The following SLC25A26 variants were observed in gnomAD, a reference collection of about 807,000 sequenced individuals.
SLC25A26 encodes the protein mitochondrial S-adenosylmethionine carrier protein.
A neutral mutation model predicts 37.8 loss-of-function variants in SLC25A26; 36 were observed. The observed-to-expected ratio is 0.95, with a 90% CI of 0.73 to 1.26. SLC25A26 has a LOEUF of 1.26. Ranked by LOEUF, SLC25A26 falls within the 50% of genes most tolerant of loss-of-function variation. The pLI is 0.00. For synonymous variants in SLC25A26, 129 were observed against 122.5 expected (o/e 1.05, Z -0.35); for missense variants, 390 against 331.1 (o/e 1.18, Z -1.38).
intron 1 of SLC25A26, among the ~76,000 whole-genome samples, chr3:66,232,683 G>T (rs2072089301): frequency 6.6e-6 from 1 of 152,188 alleles, no homozygotes; most frequent in Non-Finnish European, 1.5e-5. Context: ...TGGAAAGAAA[G>T]GACTGAACAA....
intron 1 of SLC25A26, among the ~76,000 whole-genome samples, chr3:66,201,610 A>G (rs1399344508): frequency 6.6e-6 from 1 of 152,174 alleles, no homozygotes; most frequent in Non-Finnish European, 1.5e-5. Flanking sequence ...TCCTAAGGTT[A>G]TAGGTGTAAT....
chr3:66,356,517 T>C (rs1575604337), intron 6 of SLC25A26, among the ~76,000 whole-genome samples: 1 of 152,346 alleles, frequency 6.6e-6, no homozygotes, highest in Non-Finnish European at 1.5e-5. Flanking sequence ...ACAATAGTTA[T>C]TATGGTGAAA....
intron 1 of SLC25A26, among the ~76,000 whole-genome samples, chr3:66,192,413 C>T (rs1171284747): frequency 6.6e-6 from 1 of 151,480 alleles, no homozygotes; most frequent in African/African-American, 2.4e-5. Flanking sequence ...TACCTGTAAG[C>T]AAGGTAGAGG....
At chr3:66,248,159 AAAT>A (rs1352994036) in intron 3 of SLC25A26, among the ~76,000 whole-genome samples, 2 of 152,262 alleles carry the variant, frequency 1.3e-5, no homozygotes, top group African/African-American at 2.4e-5. Flanking sequence ...AACAGTGCCA[AAAT>A]AATAACCATT....
chr3:66,272,085 A>G (rs2073980266), intron 5 of SLC25A26, among the ~76,000 whole-genome samples: 1 of 152,186 alleles, frequency 6.6e-6, no homozygotes, highest in South Asian at 2.1e-4. Flanking sequence ...GTCATTTTAG[A>G]TGGAAATAAA....
chr3:66,300,633 G>C (rs2075050316), intron 5 of SLC25A26, among the ~76,000 whole-genome samples: 1 of 152,040 alleles, frequency 6.6e-6, no homozygotes, highest in Non-Finnish European at 1.5e-5. Context: ...ATAATGTCAT[G>C]GTTTCTGCAT....
At chr3:66,226,465 T>G (rs2071756641) in intron 1 of SLC25A26, among the ~76,000 whole-genome samples, 1 of 152,036 alleles carries the variant, frequency 6.6e-6, no homozygotes, top group Non-Finnish European at 1.5e-5. Flanking sequence ...CCAAACCATT[T>G]CATGTGCGTT....
At chr3:66,260,502 A>C (rs75002893) in intron 3 of SLC25A26, among the ~76,000 whole-genome samples, 1,702 of 152,334 alleles carry the variant, frequency 0.011, 35 homozygotes, top group African/African-American at 0.039. Context: ...TCAGGTTATG[A>C]ATCCTTTGTT....
chr3:66,292,389 G>A (rs1216278952), intron 5 of SLC25A26, among the ~76,000 whole-genome samples: 1 of 152,150 alleles, frequency 6.6e-6, no homozygotes, highest in African/African-American at 2.4e-5. Context: ...TTTCTTCGTA[G>A]TGTTGACGGT....
chr3:66,365,890 G>A (rs1575614638), intron 7 of SLC25A26, among the ~76,000 whole-genome samples: 1 of 152,148 alleles, frequency 6.6e-6, no homozygotes, highest in South Asian at 2.1e-4. Flanking sequence ...GCAATGAATG[G>A]CAGCAAGGTT....
At chr3:66,205,241 C>T (rs1037858823) in intron 1 of SLC25A26, among the ~76,000 whole-genome samples, 1 of 152,086 alleles carries the variant, frequency 6.6e-6, no homozygotes, top group Non-Finnish European at 1.5e-5. Flanking sequence ...AAGAAAAAAG[C>T]GTGGTGGAGG....
At chr3:66,232,787 C>T (rs2072094349) in intron 1 of SLC25A26, among the ~76,000 whole-genome samples, 1 of 152,188 alleles carries the variant, frequency 6.6e-6, no homozygotes, top group South Asian at 2.1e-4. Context: ...ATCCTCGGGG[C>T]TGTTGGAAAG....
intron 1 of SLC25A26, among the ~76,000 whole-genome samples, chr3:66,199,992 A>C (rs2071088766): frequency 6.6e-6 from 1 of 152,360 alleles, no homozygotes; most frequent in South Asian, 2.1e-4. Flanking sequence ...TGTAACTTGC[A>C]ATATGAAAAT....
chr3:66,230,817 A>C (rs1464902270), intron 1 of SLC25A26, among the ~76,000 whole-genome samples: 10 of 140,384 alleles, frequency 7.1e-5, no homozygotes, highest in Non-Finnish European at 1.2e-4. Context: ...AAAAAAAAAA[A>C]AACAAAAAAA....
chr3:66,316,451 C>T (rs1204015427), intron 5 of SLC25A26, among the ~76,000 whole-genome samples: 1 of 152,164 alleles, frequency 6.6e-6, no homozygotes, highest in South Asian at 2.1e-4. Flanking sequence ...CCCCTAATGT[C>T]TTCTGGCTTG....
chr3:66,325,542 G>C (rs1174662347), intron 5 of SLC25A26, among the ~76,000 whole-genome samples: 1 of 152,192 alleles, frequency 6.6e-6, no homozygotes, highest in Non-Finnish European at 1.5e-5. Context: ...TAGGACACCT[G>C]ATCTAGTCTG....
chr3:66,246,593 G>A (rs2072853363), intron 3 of SLC25A26, among the ~76,000 whole-genome samples: 1 of 152,170 alleles, frequency 6.6e-6, no homozygotes, highest in Admixed American at 6.5e-5. Context: ...GGCATGGGAG[G>A]TGGGGTAGGT....
chr3:66,318,951 C>G (rs755811691), intron 5 of SLC25A26, among the ~76,000 whole-genome samples: 1 of 152,122 alleles, frequency 6.6e-6, no homozygotes, highest in Non-Finnish European at 1.5e-5. Flanking sequence ...CACCCAGCCT[C>G]AAAGGACTTT....
At chr3:66,212,883 A>G (rs903537201) in intron 1 of SLC25A26, among the ~76,000 whole-genome samples, 31 of 152,322 alleles carry the variant, frequency 2.0e-4, no homozygotes, top group Admixed American at 3.9e-4. Flanking sequence ...TATTTTGTGT[A>G]CCCATTCATT....
Sources: gnomAD v4.1 joint callset for allele counts (sites outside exome capture counted in the v4.1 genomes callset) on GRCh38, gnomAD v4.1.1 for gene constraint, MANE v1.5 for transcripts, NCBI Gene and HGNC (gene_info 2026-07-23, HGNC 2026-07-21) for gene names.